The following CEP97 variants were observed in gnomAD, a reference collection of about 807,000 sequenced individuals.
CEP97 encodes centrosomal protein 97.
CEP97 carries 43 observed loss-of-function variants against 73.1 expected under a neutral mutation model. The ratio of observed to expected loss-of-function variants is 0.59; its 90% CI spans 0.46 to 0.76. The LOEUF is 0.76. Among genes scored for constraint, CEP97 ranks in the 30% least tolerant of loss-of-function variants. The pLI is 0.00. For synonymous variants in CEP97, 337 were observed against 370.0 expected (o/e 0.91, Z 1.02); for missense variants, 939 against 1,014.0 (o/e 0.93, Z 1.00).
At chr3:101,731,192 C>CT (rs35988030) in intron 4 of CEP97, among the ~76,000 whole-genome samples, 5,147 of 123,218 alleles carry the variant, frequency 0.042, 340 homozygotes, top group African/African-American at 0.15. Flanking sequence ...GTTTTAATGA[C>CT]TTTTTTTTTT....
chr3:101,751,578 T>C (rs570676470), intron 6 of CEP97, among the ~76,000 whole-genome samples: 2 of 152,340 alleles, frequency 1.3e-5, no homozygotes, highest in South Asian at 4.1e-4. Context: ...AAAGACTTGC[T>C]TTATGAATCT....
Position 101,758,264 on chromosome 3 carries a change from T to C in CEP97, c.1658T>C (p.Val553Ala). The C allele has an allele frequency of 6.2e-7, 1 of 1,614,204 alleles. No homozygotes were observed. Among genetic ancestry groups the C allele is most frequent in the Non-Finnish European group, 8.5e-7 (1 of 1,180,034 alleles). ...TCTGTTGCTTTGGGACAAGACAAAGTTGCCCTTCAGAAATTAAATGATGCA... is the reference window on the plus strand; with the variant it reads ...TCTGTTGCTTTGGGACAAGACAAAGCTGCCCTTCAGAAATTAAATGATGCA... ...QRSVALGQDK[V>A]ALQKLNDAAT... The change falls in exon 9 of 11, where the codon GTT becomes GCT. Residue 553 changes from valine (V) to alanine (A), a missense_variant. Coordinates refer to ENST00000341893, the MANE Select transcript of CEP97 (RefSeq NM_024548.4).
rs553713165 is a variant in CEP97, at chr3:101,733,696, A to T, written c.728+1042A>T. 1.8e-4 allele frequency among the ~76,000 whole-genome samples: 27 copies of T among 151,530 alleles called. No homozygotes were observed. The East Asian group carries it at 5.1e-3, about 28-fold the overall frequency. On this transcript the variant is annotated intron_variant, in intron 6 of 10. Transcript: ENST00000341893. ...CAGGCGCCCGCCACTACGCCCGGCT[A>T]ATTTTTTGTATTTTTAGTAGAGACG...
rs1470100307 is a variant in CEP97 at position 101,759,996 on chromosome 3, T to C, written c.1817+1573T>C. ...TTCATGTGTTGATGGAATGAATAAA[T>C]AAGGAGGGAAAAACTGATGGTGCAG... On this transcript the variant is annotated intron_variant, in intron 9 of 10. Coordinates refer to ENST00000341893, the MANE Select transcript of CEP97 (RefSeq NM_024548.4). 1.1e-4 allele frequency among the ~76,000 whole-genome samples: 6 copies of C among 52,786 alleles called. No homozygotes were observed. The East Asian group carries it at 1.4e-3, about 13-fold the overall frequency. The allele number at this position is 52,786 out of a possible 152,430, so 34.6% of individuals were successfully genotyped here. A position where few individuals can be genotyped will look rare whatever the true frequency, so the allele number is the denominator to read the frequency against.
chr3:101,754,545 T>C (rs1938950226), intron 6 of CEP97, among the ~76,000 whole-genome samples: 1 of 152,192 alleles, frequency 6.6e-6, no homozygotes, highest in Non-Finnish European at 1.5e-5. Context: ...CTCTGTAGAT[T>C]TGCTGTGCTG....
chr3:101,728,589 A>G (rs1560007429), intron 3 of CEP97, among the ~76,000 whole-genome samples: 4 of 151,934 alleles, frequency 2.6e-5, no homozygotes, highest in Admixed American at 1.3e-4. Context: ...TTCAAGCTGT[A>G]AAGATCTTGG....
intron 6 of CEP97, among the ~76,000 whole-genome samples, chr3:101,750,059 A>G (rs1008167301): frequency 3.5e-5 from 5 of 143,736 alleles, no homozygotes; most frequent in African/African-American, 1.3e-4. Flanking sequence ...TTAGACATGA[A>G]GTCCTTGCCC....
In CEP97 at chr3:101,741,414, C is replaced by T. The variant is rs902857502; in HGVS notation, c.728+8760C>T. ...ATGGCAACAAAAGCCAAAATTGACA[C>T]ATAGGATCTAATTAAACTAAAGAGC... On this transcript the variant is annotated intron_variant, in intron 6 of 10. Transcript: ENST00000341893. Among the ~76,000 whole-genome samples, 6 of 152,224 alleles carry T rather than the reference C, an allele frequency of 3.9e-5. No homozygotes were observed. The South Asian group carries it at 1.2e-3, about 32-fold the overall frequency.
At chr3:101,750,314 G>A (rs1938766614) in intron 6 of CEP97, among the ~76,000 whole-genome samples, 1 of 149,678 alleles carries the variant, frequency 6.7e-6, no homozygotes, top group African/African-American at 2.5e-5. Flanking sequence ...TAGATATGCG[G>A]CGTTATTTCT....
At chr3:101,747,861 G>A (rs556271766) in intron 6 of CEP97, among the ~76,000 whole-genome samples, 42 of 151,782 alleles carry the variant, frequency 2.8e-4, no homozygotes, top group Admixed American at 5.9e-4. Flanking sequence ...GGTGGCTCAT[G>A]CCTGTAATCT....
At chr3:101,764,559 C>T (rs973391464) in intron 10 of CEP97, among the ~76,000 whole-genome samples, 2 of 150,520 alleles carry the variant, frequency 1.3e-5, no homozygotes, top group African/African-American at 4.9e-5. Context: ...TGCGGTAAGC[C>T]GAGATTGTGC....
chr3:101,763,611 A>C (rs957879035), intron 10 of CEP97, among the ~76,000 whole-genome samples: 102 of 152,334 alleles, frequency 6.7e-4, no homozygotes, highest in African/African-American at 2.4e-3. Flanking sequence ...AGGGAAACTA[A>C]AAACTGTACA....
At position 101,746,676 on chromosome 3, in the gene CEP97, A is replaced by G. The variant is rs191798202; in HGVS notation, c.729-8754A>G. Among the ~76,000 whole-genome samples, 1,161 of 152,352 alleles carry G rather than the reference A, an allele frequency of 7.6e-3. 7 individuals are homozygous for G. Among genetic ancestry groups the G allele is most frequent in the Non-Finnish European group, 0.011 (776 of 68,038 alleles). The stretch of plus-strand genomic sequence containing the variant: ...TGGCAACAAAAGATAAAATTGACAA[A>G]TGGGATCTCATTAAACTAAAGACCT... On this transcript the variant is annotated intron_variant, in intron 6 of 10. Transcript: ENST00000341893.
chr3:101,742,017 G>A (rs1221172599), intron 6 of CEP97, among the ~76,000 whole-genome samples: 2 of 151,342 alleles, frequency 1.3e-5, no homozygotes, highest in Admixed American at 1.3e-4. Context: ...ACTCCAGCCT[G>A]GGTGACAGAG....
intron 6 of CEP97, among the ~76,000 whole-genome samples, chr3:101,735,207 T>G (rs1228173806): frequency 6.6e-6 from 1 of 152,202 alleles, no homozygotes; most frequent in Non-Finnish European, 1.5e-5. Flanking sequence ...AAAAAGTCTG[T>G]GTTTCTATAC....
intron 4 of CEP97, among the ~76,000 whole-genome samples, chr3:101,730,574 ATTT>A (rs11293857): frequency 2.8e-5 from 4 of 144,470 alleles, no homozygotes; most frequent in Non-Finnish European, 6.0e-5. Context: ...CCAAGTCTGG[ATTT>A]TTTTTTTTTT....
chr3:101,763,277 C>T lies in CEP97; in HGVS notation c.1893+717C>T. 4 of 1,020,230 alleles carry T rather than the reference C, an allele frequency of 3.9e-6. No individual in the cohort carries two copies. In the South Asian group the frequency reaches 7.8e-5, roughly 20 times the overall value. The allele number at this position is 1,020,230 out of a possible 1,614,324, so 63.2% of individuals were successfully genotyped here. On this transcript the variant is annotated intron_variant, in intron 10 of 10. Transcript: ENST00000341893. ...ATTGATTTGTAAAGTTTTGTAGTTA[C>T]CAACAATAGAGGAATGGTTAAATTA...
At chr3:101,754,127 A>G (rs375838602) in intron 6 of CEP97, among the ~76,000 whole-genome samples, 9 of 143,502 alleles carry the variant, frequency 6.3e-5, no homozygotes, top group South Asian at 2.2e-4. Flanking sequence ...GGCTCAAGCA[A>G]TCCTCCCACC....
intron 6 of CEP97, among the ~76,000 whole-genome samples, chr3:101,740,131 C>T (rs1245409635): frequency 6.6e-6 from 1 of 152,120 alleles, no homozygotes; most frequent in Admixed American, 6.6e-5. Context: ...CCAAGGCAAT[C>T]AGGCAAGAGA....
Sources: gnomAD v4.1 joint callset for allele counts (sites outside exome capture counted in the v4.1 genomes callset) on GRCh38, gnomAD v4.1.1 for gene constraint, MANE v1.5 for transcripts, NCBI Gene and HGNC (gene_info 2026-07-23, HGNC 2026-07-21) for gene names.